CHODL: variants seen among roughly 807,000 people sequenced by gnomAD.
The protein encoded by CHODL is chondrolectin, also known as transmembrane protein MT75.
Under a neutral mutation model 34.5 loss-of-function variants are expected in CHODL, and 29 were observed. The observed-to-expected ratio is 0.84, with a 90% confidence interval of 0.63 to 1.15. The LOEUF is 1.15. CHODL is among the 50% of genes most tolerant of loss of function. The pLI, the probability that CHODL is intolerant of heterozygous loss-of-function variation, is 0.00. For missense variants in CHODL, 332 were observed against 332.5 expected, an observed-to-expected ratio of 1.00 and a Z score of 0.01; for synonymous variants, 125 against 116.1, an observed-to-expected ratio of 1.08 and a Z score of -0.49.
At chr21:18,087,623 G>T (rs886829689) in intron 2 of CHODL, among the ~76,000 whole-genome samples, 1 of 152,164 alleles carries the variant, frequency 6.6e-6, no homozygotes, top group Admixed American at 6.5e-5. Flanking sequence ...AACTCAGCCT[G>T]AGGGTAGAGG....
chr21:18,070,101 T>A (rs1268939948), intron 2 of CHODL, among the ~76,000 whole-genome samples: 6 of 148,896 alleles, frequency 4.0e-5, no homozygotes, highest in Admixed American at 3.4e-4. Flanking sequence ...CTCTGGCTAG[T>A]CTGGAACTCC....
chr21:18,214,207 A>G (rs752218904), intron 2 of CHODL, among the ~76,000 whole-genome samples: 2 of 152,080 alleles, frequency 1.3e-5, no homozygotes, highest in Non-Finnish European at 2.9e-5. Flanking sequence ...CTTGACCTTC[A>G]TAAGTCTTAT....
chr21:18,125,063 T>G (rs954173720), intron 2 of CHODL, among the ~76,000 whole-genome samples: 1 of 152,206 alleles, frequency 6.6e-6, no homozygotes, highest in African/African-American at 2.4e-5. Flanking sequence ...AAATCAAGAA[T>G]GGTACACTAA....
intron 1 of CHODL, among the ~76,000 whole-genome samples, chr21:17,981,654 A>G (rs1384812055): frequency 1.3e-5 from 2 of 152,320 alleles, no homozygotes; most frequent in South Asian, 2.1e-4. Context: ...GTGAAAAAGC[A>G]TGTGTAATGG....
At chr21:18,241,056 A>G (rs1406953043), upstream of CHODL, among the ~76,000 whole-genome samples, 1 of 152,216 alleles carries the variant, frequency 6.6e-6, no homozygotes, top group African/African-American at 2.4e-5. Context: ...GAGGTAGGTC[A>G]TGTATTCTAC....
intron 2 of CHODL, among the ~76,000 whole-genome samples, chr21:18,099,112 G>A (rs1298026593): frequency 6.6e-6 from 1 of 151,898 alleles, no homozygotes; most frequent in East Asian, 1.9e-4. Context: ...GTAGGGGTTG[G>A]GGTTGGTTAG....
intron 2 of CHODL, among the ~76,000 whole-genome samples, chr21:18,162,443 TTC>T (rs1439390698): frequency 1.4e-5 from 2 of 148,144 alleles, no homozygotes; most frequent in Non-Finnish European, 1.5e-5. Flanking sequence ...CTCTTTCTCT[TTC>T]TCTCTCTCTC....
At chr21:17,958,295 T>C (rs2063507745) in intron 1 of CHODL, among the ~76,000 whole-genome samples, 1 of 152,186 alleles carries the variant, frequency 6.6e-6, no homozygotes, top group Non-Finnish European at 1.5e-5. Flanking sequence ...TTATGTTTTT[T>C]GCCTTTCTGA....
At chr21:17,934,871 T>A (rs2063306892) in intron 1 of CHODL, among the ~76,000 whole-genome samples, 1 of 152,198 alleles carries the variant, frequency 6.6e-6, no homozygotes, top group African/African-American at 2.4e-5. Context: ...CAGGTGTTAT[T>A]TCTATTTTGG....
intron 2 of CHODL, among the ~76,000 whole-genome samples, chr21:18,036,263 G>T (rs2064309537): frequency 6.6e-6 from 1 of 151,924 alleles, no homozygotes; most frequent in Non-Finnish European, 1.5e-5. Flanking sequence ...ACTATTCCTG[G>T]TTATGTGTCA....
chr21:18,030,464 C>T (rs2064234897), intron 2 of CHODL, among the ~76,000 whole-genome samples: 1 of 152,148 alleles, frequency 6.6e-6, no homozygotes, highest in Admixed American at 6.6e-5. Flanking sequence ...AGCCATTACC[C>T]ACAGAAACTG....
At chr21:18,193,708 A>T (rs539383233) in intron 2 of CHODL, among the ~76,000 whole-genome samples, 4 of 142,000 alleles carry the variant, frequency 2.8e-5, no homozygotes, top group South Asian at 2.1e-4. Context: ...AAAAAAAAAA[A>T]AATAAAATAA....
Position 18,100,429 on chromosome 21 carries a change from T to C in CHODL, c.-45+72458T>C, listed in dbSNP as rs549879150. Among the ~76,000 whole-genome samples, 40 of 152,140 alleles carry C rather than the reference T, an allele frequency of 2.6e-4. 1 individual carries two copies. In the South Asian group the frequency reaches 8.3e-3, roughly 32 times the overall value. On this transcript the variant is annotated intron_variant, in intron 2 of 6. Coordinates refer to the CHODL transcript ENST00000400127. ...GTAGGAATATAACTAGACTGGGTGGTTAGCATGGGGAAGGGAAGAAAGGGG... is the reference window on the plus strand; with the variant it reads ...GTAGGAATATAACTAGACTGGGTGGCTAGCATGGGGAAGGGAAGAAAGGGG...
At chr21:18,010,014 T>C (rs562534008) in intron 1 of CHODL, among the ~76,000 whole-genome samples, 5 of 149,516 alleles carry the variant, frequency 3.3e-5, no homozygotes, top group African/African-American at 1.2e-4. Flanking sequence ...TGTTCAAATT[T>C]TCATATGGCC....
At chr21:18,264,352 G>A (rs967811173) in intron 5 of CHODL, among the ~76,000 whole-genome samples, 1 of 152,020 alleles carries the variant, frequency 6.6e-6, no homozygotes, top group Non-Finnish European at 1.5e-5. Context: ...TTTTGACAGG[G>A]CATCCAGTAG....
rs183393536 is a variant in CHODL, at chr21:18,008,042, G to A, written c.-144-19830G>A. 1.6e-4 allele frequency among the ~76,000 whole-genome samples: 25 copies of A among 152,208 alleles called. No individual in the cohort carries two copies. The East Asian group carries it at 2.9e-3, about 18-fold the overall frequency. On this transcript the variant is annotated intron_variant, in intron 1 of 6. Transcript: ENST00000400127. ...TGAACAAAACAAAACAATCATGGGAGTTATTGTTTTAGTGAAAGATGCTTT... is the reference window on the plus strand; with the variant it reads ...TGAACAAAACAAAACAATCATGGGAATTATTGTTTTAGTGAAAGATGCTTT...
intron 4 of CHODL, 50 bp downstream of exon 4, chr21:18,260,336 C>A: frequency 8.5e-7 from 1 of 1,174,684 alleles, no homozygotes; most frequent in South Asian, 1.4e-5. Context: ...ACTGTACTTT[C>A]AAACGCTGCT....
At chr21:18,070,967 A>T (rs1164140220) in intron 2 of CHODL, among the ~76,000 whole-genome samples, 1 of 150,238 alleles carries the variant, frequency 6.7e-6, no homozygotes, top group Non-Finnish European at 1.5e-5. Context: ...TTTATTTGTT[A>T]TTCTAAACTA....
At chr21:18,004,009 A>G (rs558289149) in intron 1 of CHODL, among the ~76,000 whole-genome samples, 2 of 152,224 alleles carry the variant, frequency 1.3e-5, no homozygotes, top group Non-Finnish European at 2.9e-5. Flanking sequence ...TCGTCTTTCA[A>G]GGAATATAGT....
Sources: allele counts gnomAD v4.1 joint callset (sites outside exome capture counted in the v4.1 genomes callset), GRCh38; gene constraint gnomAD v4.1.1; transcripts MANE v1.5; gene names NCBI Gene and HGNC (gene_info 2026-07-23, HGNC 2026-07-21).